Variants in FSTL1 observed in about 807,000 individuals in gnomAD.
The protein encoded by FSTL1 is follistatin-related protein 1.
FSTL1 carries 24 observed loss-of-function variants against 45.9 expected under a neutral mutation model. The ratio of observed to expected loss-of-function variants is 0.52; its 90% CI spans 0.38 to 0.74. The LOEUF (loss-of-function observed/expected upper bound fraction) is 0.74. Ranked by LOEUF, FSTL1 falls within the 30% of genes least tolerant of loss-of-function variation. The pLI, the probability that FSTL1 is intolerant of heterozygous loss-of-function variation, is 0.00. For synonymous variants in FSTL1, 120 were observed against 137.6 expected (o/e 0.87, Z 0.89); for missense variants, 340 against 381.8 (o/e 0.89, Z 0.91).
At chr3:120,444,967 G>A (rs1426680866) in intron 2 of FSTL1, among the ~76,000 whole-genome samples, 13 of 149,604 alleles carry the variant, frequency 8.7e-5, no homozygotes, top group Non-Finnish European at 5.9e-5. Flanking sequence ...TGACTATGTA[G>A]TCAATGTTAA....
chr3:120,434,416 T>G (rs1937519579), intron 2 of FSTL1, among the ~76,000 whole-genome samples: 1 of 152,158 alleles, frequency 6.6e-6, no homozygotes, highest in Non-Finnish European at 1.5e-5. Context: ...CTTGCCTTCC[T>G]GAGGAAACTT....
At chr3:120,398,963 C>T (rs1936761734) in intron 10 of FSTL1, among the ~76,000 whole-genome samples, 1 of 152,186 alleles carries the variant, frequency 6.6e-6, no homozygotes, top group Non-Finnish European at 1.5e-5. Context: ...GATTTCTATA[C>T]TATCAGTGAC....
chr3:120,413,530 G>T (rs1388226525), intron 3 of FSTL1, among the ~76,000 whole-genome samples: 1 of 152,016 alleles, frequency 6.6e-6, no homozygotes, highest in East Asian at 1.9e-4. Flanking sequence ...AGTAGGATCT[G>T]GCTTTTAGGT....
intron 2 of FSTL1, among the ~76,000 whole-genome samples, chr3:120,425,924 C>T (rs908621355): frequency 7.9e-5 from 12 of 152,276 alleles, no homozygotes; most frequent in East Asian, 5.8e-4. Context: ...CTCTACTCCC[C>T]TAGAATACTA....
chr3:120,432,616 T>C (rs1251054292), intron 2 of FSTL1, among the ~76,000 whole-genome samples: 2 of 152,236 alleles, frequency 1.3e-5, no homozygotes, highest in African/African-American at 2.4e-5. Context: ...TTATCATTTG[T>C]GGTAAAAACA....
chr3:120,420,810 G>C (rs1399115178), intron 2 of FSTL1, among the ~76,000 whole-genome samples: 3 of 152,150 alleles, frequency 2.0e-5, no homozygotes, highest in Non-Finnish European at 4.4e-5. Context: ...CATGTGACTG[G>C]TCCAAGATCT....
At chr3:120,402,334 A>C (rs1159971003) in intron 9 of FSTL1, among the ~76,000 whole-genome samples, 1 of 152,200 alleles carries the variant, frequency 6.6e-6, no homozygotes, top group Non-Finnish European at 1.5e-5. Flanking sequence ...TCAATGGGTT[A>C]ATATGTAAAG....
In FSTL1 at chr3:120,450,580, G is replaced by A. The variant is rs1937868036; in HGVS notation, c.63+104C>T. 8.7e-6 allele frequency: 6 copies of A among 686,318 alleles called. No individual in the cohort carries two copies. In the South Asian group the frequency reaches 1.3e-4, roughly 15 times the overall value. The allele number at this position is 686,318 out of a possible 1,614,324, so 42.5% of individuals were successfully genotyped here. A position where few individuals can be genotyped will look rare whatever the true frequency, so the allele number is the denominator to read the frequency against. ...CACACCCCAAGGACCGAAACTCCCA[G>A]CGCCACCCCGGGAGAGCATCCCCAG... On this transcript the variant is annotated intron_variant, in intron 2 of 10. Coordinates refer to ENST00000295633, the MANE Select transcript of FSTL1 (RefSeq NM_007085.5).
chr3:120,428,062 G>C (rs575562421), intron 2 of FSTL1, among the ~76,000 whole-genome samples: 25 of 152,202 alleles, frequency 1.6e-4, no homozygotes, highest in Non-Finnish European at 3.2e-4. Context: ...ACTGTCTTCT[G>C]AGGTAGAGGG....
intron 2 of FSTL1, among the ~76,000 whole-genome samples, chr3:120,429,501 G>T (rs915170145): frequency 6.6e-6 from 1 of 152,162 alleles, no homozygotes; most frequent in African/African-American, 2.4e-5. Context: ...CTATGGGATG[G>T]GAAAATTTGT....
At chr3:120,437,150 C>T (rs974946986) in intron 2 of FSTL1, among the ~76,000 whole-genome samples, 1 of 152,176 alleles carries the variant, frequency 6.6e-6, no homozygotes, top group Non-Finnish European at 1.5e-5. Flanking sequence ...TTTGAGGTCC[C>T]GTCCATTTTC....
intron 3 of FSTL1, among the ~76,000 whole-genome samples, chr3:120,413,528 C>A (rs1937111859): frequency 6.6e-6 from 1 of 152,124 alleles, no homozygotes; most frequent in Non-Finnish European, 1.5e-5. Context: ...CCAGTAGGAT[C>A]TGGCTTTTAG....
At chr3:120,443,410 G>A (rs1937667370) in intron 2 of FSTL1, among the ~76,000 whole-genome samples, 1 of 149,904 alleles carries the variant, frequency 6.7e-6, no homozygotes, top group Admixed American at 6.6e-5. Flanking sequence ...AGTAGCTTAT[G>A]TGCAAACTGA....
chr3:120,396,078 G>T lies in FSTL1; in HGVS notation c.*874C>A. On this transcript the variant is annotated 3_prime_UTR_variant, in exon 11 of 11. Transcript: ENST00000295633. ...CTGGAAGCTAGGGGGGCCAACTATG[G>T]GCTGCATCTAGTATGTGGCAGGGTG... The T allele has an allele frequency of 1.1e-5, 2 of 177,816 alleles. No homozygotes were observed. The highest frequency in any genetic ancestry group is 6.5e-5 in the Admixed American group (1 of 15,450). 11.0% of individuals were successfully genotyped at this position (177,816 alleles called of 1,614,324 possible). A position where few individuals can be genotyped will look rare whatever the true frequency, so the allele number is the denominator to read the frequency against.
intron 2 of FSTL1, among the ~76,000 whole-genome samples, chr3:120,416,460 G>A (rs1937188672): frequency 6.6e-6 from 1 of 152,200 alleles, no homozygotes; most frequent in Non-Finnish European, 1.5e-5. Context: ...TGCAAGAACA[G>A]GATCACCAGG....
At chr3:120,434,997 T>A (rs1205810631) in intron 2 of FSTL1, among the ~76,000 whole-genome samples, 1 of 152,126 alleles carries the variant, frequency 6.6e-6, no homozygotes, top group Non-Finnish European at 1.5e-5. Context: ...GTCAGGGAGC[T>A]CACATGAGGT....
Position 120,409,674 on chromosome 3 carries a change from T to A in FSTL1, c.332-12A>T. 6.2e-7 allele frequency: 1 copy of A among 1,613,468 alleles called. No individual in the cohort carries two copies. The highest frequency in any genetic ancestry group is 8.5e-7 in the Non-Finnish European group (1 of 1,179,632). ...CTGATAGCAAACAACTGCAGGAAAG[T>A]GGAGGATGTCAGCTGGAGCAGTCAG... On this transcript the variant is annotated splice_polypyrimidine_tract_variant and intron_variant, in intron 5 of 10. Transcript: ENST00000295633.
chr3:120,450,710 C>G lies in FSTL1; in HGVS notation c.37G>C (p.Val13Leu), dbSNP rs763574056. ...KRWLALALAL[V>L]AVAWVRAEEE... ...TCGGCGCGGACCCAGGCGACCGCCA[C>G]CAGCGCGAGCGCGAGCGCGAGCCAG... The change falls in exon 2 of 11, where the codon GTG (valine) becomes CTG (leucine). Residue 13 changes from valine (V) to leucine (L), a missense_variant. Physicochemically the swap from Val to Leu is conservative, Grantham distance 32. Transcript: ENST00000295633. 8.3e-6 allele frequency: 13 copies of G among 1,570,704 alleles called. No homozygotes were observed. In the South Asian group the frequency reaches 1.4e-4, roughly 17 times the overall value.
At chr3:120,400,611 A>T (rs1045814773) in intron 9 of FSTL1, among the ~76,000 whole-genome samples, 2 of 152,210 alleles carry the variant, frequency 1.3e-5, no homozygotes, top group Admixed American at 1.3e-4. Flanking sequence ...GACCATTAGG[A>T]AACACTTCTA....
Sources: gnomAD v4.1 joint callset for allele counts (sites outside exome capture counted in the v4.1 genomes callset) on GRCh38, gnomAD v4.1.1 for gene constraint, MANE v1.5 for transcripts, NCBI Gene and HGNC (gene_info 2026-07-23, HGNC 2026-07-21) for gene names.